The following PCDHA11 variants were observed in gnomAD, a reference collection of about 807,000 sequenced individuals.
PCDHA11 encodes the protein protocadherin alpha-11.
In PCDHA11, 61 loss-of-function variants were observed where a neutral mutation model predicts 70.3. That is an observed-to-expected ratio of 0.87 (90% CI 0.71 to 1.07). The LOEUF (loss-of-function observed/expected upper bound fraction) is 1.07. Ranked by LOEUF, PCDHA11 falls within the 50% of genes least tolerant of loss-of-function variation. PCDHA11 has a pLI of 0.00. For synonymous variants in PCDHA11, 633 were observed against 555.1 expected (o/e 1.14, Z -1.97); for missense variants, 1,324 against 1,237.5 (o/e 1.07, Z -1.05).
intron 1 of PCDHA11, among the ~76,000 whole-genome samples, chr5:140,891,039 A>AC (rs143686625): frequency 6.6e-6 from 1 of 152,040 alleles, no homozygotes; most frequent in East Asian, 1.9e-4. Flanking sequence ...CTTAGGTGTG[A>AC]CCCCCACAGC....
chr5:140,960,848 A>G (rs2095575135), intron 1 of PCDHA11, among the ~76,000 whole-genome samples: 1 of 152,212 alleles, frequency 6.6e-6, no homozygotes, highest in Non-Finnish European at 1.5e-5. Context: ...GTTTAATGGC[A>G]ACTATAAGCC....
chr5:140,925,685 G>T (rs1584406507), intron 1 of PCDHA11, among the ~76,000 whole-genome samples: 1 of 137,694 alleles, frequency 7.3e-6, no homozygotes, highest in South Asian at 2.3e-4. Flanking sequence ...ATAAAGCGAG[G>T]GTGGGTATCT....
At position 141,000,188 on chromosome 5, in the gene PCDHA11, A is replaced by G. The variant is rs182049578; in HGVS notation, c.2540-9439A>G. 8.6e-3 allele frequency among the ~76,000 whole-genome samples: 1,302 copies of G among 151,928 alleles called. 5 individuals carry two copies. Among genetic ancestry groups the G allele is most frequent in the Middle Eastern group, 0.017 (5 of 294 alleles). ...ATTATTGAGCCAAGGAGTCAATGTG[A>G]GAATAGTTTTTCACCTTCATTATCA... is the stretch of plus-strand genomic sequence containing the variant. On this transcript the variant is annotated intron_variant, in intron 3 of 3. Coordinates refer to ENST00000398640, the MANE Select transcript of PCDHA11 (RefSeq NM_018902.5).
chr5:140,911,849 T>C (rs536574096), intron 1 of PCDHA11, among the ~76,000 whole-genome samples: 4 of 152,314 alleles, frequency 2.6e-5, no homozygotes, highest in African/African-American at 9.6e-5. Flanking sequence ...AACTCCATCC[T>C]TAATAGTCTG....
intron 1 of PCDHA11, among the ~76,000 whole-genome samples, chr5:140,873,389 T>C (rs2054266406): frequency 6.6e-6 from 1 of 152,220 alleles, no homozygotes; most frequent in Admixed American, 6.5e-5. Flanking sequence ...GACTTGGGAA[T>C]GTTTTCAGTA....
At position 140,969,448 on chromosome 5, in the gene PCDHA11, G is replaced by A. The variant is rs781843317; in HGVS notation, c.2392-9501G>A. 468 of 1,537,938 alleles carry A rather than the reference G, an allele frequency of 3.0e-4. 1 individual carries two copies. Among genetic ancestry groups the A allele is most frequent in the Non-Finnish European group, 4.0e-4 (459 of 1,139,778 alleles). On this transcript the variant is annotated intron_variant, in intron 1 of 3. Coordinates refer to ENST00000398640, the MANE Select transcript of PCDHA11 (RefSeq NM_018902.5). ...AGTGACAAGAGTTATCTGGTAAACT[G>A]AGTATATATAGTATCCACAATTTGA...
chr5:140,964,556 G>A (rs2095839745), intron 1 of PCDHA11, among the ~76,000 whole-genome samples: 1 of 152,166 alleles, frequency 6.6e-6, no homozygotes. Context: ...GCGACTTGGA[G>A]GGCTGGGAGG....
At chr5:140,976,787 C>T (rs1460336492) in intron 1 of PCDHA11, among the ~76,000 whole-genome samples, 3 of 152,150 alleles carry the variant, frequency 2.0e-5, no homozygotes, top group Admixed American at 6.5e-5. Flanking sequence ...TATATAGCTA[C>T]GCTTTTATGA....
chr5:140,913,807 C>A (rs2076472600), intron 1 of PCDHA11, among the ~76,000 whole-genome samples: 1 of 152,068 alleles, frequency 6.6e-6, no homozygotes, highest in African/African-American at 2.4e-5. Flanking sequence ...ATCAAATTTT[C>A]AATTTCCTTT....
intron 1 of PCDHA11, among the ~76,000 whole-genome samples, chr5:140,899,991 G>C (rs2067668603): frequency 6.6e-6 from 1 of 151,712 alleles, no homozygotes; most frequent in African/African-American, 2.4e-5. Context: ...GATTTTTTTT[G>C]TAGAGATGAG....
At chr5:140,910,451 G>A (rs2075030507) in intron 1 of PCDHA11, among the ~76,000 whole-genome samples, 1 of 152,190 alleles carries the variant, frequency 6.6e-6, no homozygotes. Flanking sequence ...GTAGTTGAGT[G>A]ACTGTGGTTC....
At chr5:140,941,221 T>TTCTTTCTTTCTTTCTTTCTTTCTC (rs2092905955) in intron 1 of PCDHA11, among the ~76,000 whole-genome samples, 1 of 131,536 alleles carries the variant, frequency 7.6e-6, no homozygotes, top group Admixed American at 7.9e-5. Context: ...CTTCCTTTCT[T>TTCTTTCTTTCTTTCTTTCTTTCTC]TCTTTCTTTC....
rs1206433527 is a variant in PCDHA11, at chr5:140,871,293, G to T, written c.2190G>T (p.Ala730=). The stretch of plus-strand genomic sequence containing the variant: ...GGTCGGCAACGCCCACTGAGGGCGC[G>T]TGCGCGCCGGGGAAGCCCACGCTGG... ...LWWSATPTEG[A]CAPGKPTLVC... Residue 730 remains alanine (A), a synonymous_variant, in exon 1 of 4, where the codon GCG becomes GCT. Coordinates refer to ENST00000398640, the MANE Select transcript of PCDHA11 (RefSeq NM_018902.5). 5 of 1,613,794 alleles carry T rather than the reference G, an allele frequency of 3.1e-6. No homozygotes were observed. The highest frequency in any genetic ancestry group is 1.7e-5 in the Admixed American group (1 of 59,988).
At chr5:140,901,485 C>T (rs894282962) in intron 1 of PCDHA11, among the ~76,000 whole-genome samples, 1 of 152,086 alleles carries the variant, frequency 6.6e-6, no homozygotes, top group African/African-American at 2.4e-5. Context: ...GTTCTTGGCA[C>T]CTTCATCGAA....
chr5:140,985,346 A>G (rs2097147411), intron 3 of PCDHA11, among the ~76,000 whole-genome samples: 1 of 152,186 alleles, frequency 6.6e-6, no homozygotes, highest in African/African-American at 2.4e-5. Flanking sequence ...GCAGGCCCAG[A>G]TATAGACCCT....
Position 140,870,676 on chromosome 5 carries a change from G to C in PCDHA11, c.1573G>C (p.Glu525Gln), listed in dbSNP as rs561705674. The C allele has an allele frequency of 1.9e-6, 3 of 1,612,584 alleles. No homozygotes were observed. The highest frequency in any genetic ancestry group is 2.5e-6 in the Non-Finnish European group (3 of 1,179,810). Residue 525 changes from glutamate to glutamine, a missense_variant, in exon 1 of 4, where the codon GAG becomes CAG. By Grantham distance (29) the Glu-to-Gln change is conservative. Coordinates refer to ENST00000398640, the MANE Select transcript of PCDHA11 (RefSeq NM_018902.5). ...GTACGCGCTGCAGCCGTTGGACCAC[G>C]AGGAGCTGGAGCTGCTACAGTTCCA... The part of the protein sequence containing the change: ...KVYALQPLDH[E>Q]ELELLQFQVS...
At chr5:140,950,872 T>C (rs782492363) in intron 1 of PCDHA11, among the ~76,000 whole-genome samples, 14 of 152,210 alleles carry the variant, frequency 9.2e-5, no homozygotes, top group Middle Eastern at 3.4e-3. Context: ...ATATTCTATA[T>C]TGTTCAATAG....
chr5:140,968,694 G>A, intron 1 of PCDHA11: 1 of 1,614,092 alleles, frequency 6.2e-7, no homozygotes, highest in Non-Finnish European at 8.5e-7. Flanking sequence ...GGAGAAATTA[G>A]GACTACCAGG....
At chr5:140,961,108 C>T (rs1027018505) in intron 1 of PCDHA11, among the ~76,000 whole-genome samples, 1 of 152,174 alleles carries the variant, frequency 6.6e-6, no homozygotes, top group Non-Finnish European at 1.5e-5. Flanking sequence ...CACCCAACCC[C>T]CTTGCATCTT....
Sources: allele counts gnomAD v4.1 joint callset (sites outside exome capture counted in the v4.1 genomes callset), GRCh38; gene constraint gnomAD v4.1.1; transcripts MANE v1.5; gene names NCBI Gene and HGNC (gene_info 2026-07-23, HGNC 2026-07-21).